The following ZC3H18 variants were observed in gnomAD, a reference collection of about 807,000 sequenced individuals.
The protein encoded by ZC3H18 is zinc finger CCCH-type containing 18.
Under a neutral mutation model 106.1 loss-of-function variants are expected in ZC3H18, and 8 were observed. That is an observed-to-expected ratio of 0.08 (90% CI 0.04 to 0.14). ZC3H18 has a LOEUF of 0.14. ZC3H18 is among the 10% of genes least tolerant of loss of function. The pLI is 1.00. For missense variants in ZC3H18, 1,318 were observed against 1,278.4 expected (o/e 1.03, Z -0.47); for synonymous variants, 635 against 522.1 (o/e 1.22, Z -2.95).
intron 3 of ZC3H18, among the ~76,000 whole-genome samples, chr16:88,591,815 G>T (rs1420729788): frequency 6.6e-6 from 1 of 152,220 alleles, no homozygotes; most frequent in Non-Finnish European, 1.5e-5. Flanking sequence ...ACTGCTGGCA[G>T]CGGAGTTTCT....
intron 1 of ZC3H18, chr16:88,571,681 A>C (rs1260930559): frequency 4.1e-6 from 4 of 985,200 alleles, no homozygotes; most frequent in East Asian, 1.1e-4. Context: ...AGGTAAGTTA[A>C]CCTATGGCCT....
At chr16:88,600,189 C>G (rs1288597266) in intron 6 of ZC3H18, among the ~76,000 whole-genome samples, 1 of 152,286 alleles carries the variant, frequency 6.6e-6, no homozygotes, top group African/African-American at 2.4e-5. Flanking sequence ...GCACTCACAC[C>G]GTTGTGGTTC....
At chr16:88,608,354 C>CTT (rs879451765) in intron 6 of ZC3H18, among the ~76,000 whole-genome samples, 1 of 146,222 alleles carries the variant, frequency 6.8e-6, no homozygotes, top group African/African-American at 2.5e-5. Flanking sequence ...ATTTTCTTTC[C>CTT]TTTTTTTTTT....
chr16:88,595,899 G>T (rs1455711892), intron 3 of ZC3H18, among the ~76,000 whole-genome samples: 3 of 152,180 alleles, frequency 2.0e-5, no homozygotes, highest in Admixed American at 2.0e-4. Flanking sequence ...ATTCCCGACA[G>T]TTGGGTGTGT....
At chr16:88,578,350 G>A (rs1335548062) in intron 2 of ZC3H18, among the ~76,000 whole-genome samples, 1 of 152,160 alleles carries the variant, frequency 6.6e-6, no homozygotes, top group Non-Finnish European at 1.5e-5. Flanking sequence ...TGAGGGGAAG[G>A]TAGTACTATC....
At chr16:88,593,465 G>A (rs777323735) in intron 3 of ZC3H18, among the ~76,000 whole-genome samples, 1 of 152,208 alleles carries the variant, frequency 6.6e-6, no homozygotes, top group African/African-American at 2.4e-5. Flanking sequence ...TTAAAACTTA[G>A]GAATTATTTT....
chr16:88,584,176 C>T (rs996705340), intron 2 of ZC3H18, among the ~76,000 whole-genome samples: 4 of 152,108 alleles, frequency 2.6e-5, no homozygotes, highest in African/African-American at 7.2e-5. Context: ...AATCCTAGCA[C>T]TTTGGGAGGC....
At chr16:88,602,618 G>T (rs1306192091) in intron 6 of ZC3H18, among the ~76,000 whole-genome samples, 1 of 152,232 alleles carries the variant, frequency 6.6e-6, no homozygotes, top group Non-Finnish European at 1.5e-5. Context: ...TTGATTGTAA[G>T]TAATTCCAGG....
intron 17 of ZC3H18, among the ~76,000 whole-genome samples, 178 bp downstream of exon 17, chr16:88,630,759 C>A (rs1567602511): frequency 9.3e-6 from 1 of 107,158 alleles, no homozygotes; most frequent in African/African-American, 3.1e-5. Flanking sequence ...ACCCCCCACC[C>A]CCCCCCACAC....
intron 8 of ZC3H18, among the ~76,000 whole-genome samples, chr16:88,617,538 A>G (rs8047318): frequency 0.55 from 84,167 of 152,162 alleles, 23,613 homozygotes; most frequent in African/African-American, 0.62. Flanking sequence ...AGTCATTGTC[A>G]TTAGAAATGT....
At chr16:88,620,589 A>G (rs1905895631) in intron 8 of ZC3H18, among the ~76,000 whole-genome samples, 1 of 151,530 alleles carries the variant, frequency 6.6e-6, no homozygotes, top group African/African-American at 2.4e-5. Flanking sequence ...AAAAAAGAAA[A>G]AAAAAAAAAA....
At position 88,606,870 on chromosome 16, in the gene ZC3H18, C is replaced by T. The variant is rs900425010; in HGVS notation, c.1089-2064C>T. ...GAGTTGAGGAGGCCTCGAGGGTGTT[C>T]GTAGCCACCCATCGCTGGAGCCACC... is the stretch of plus-strand genomic sequence containing the variant. On this transcript the variant is annotated intron_variant, in intron 6 of 17. Coordinates refer to ENST00000301011, the MANE Select transcript of ZC3H18 (RefSeq NM_144604.4). Among the ~76,000 whole-genome samples the T allele has an allele frequency of 2.6e-5, 4 of 152,184 alleles. 1 individual carries two copies. The highest frequency in any genetic ancestry group is 6.5e-5 in the Admixed American group (1 of 15,276).
rs564511735 is a variant in ZC3H18 at position 88,627,484 on chromosome 16, G to T, written c.2109-138G>T. On this transcript the variant is annotated intron_variant, in intron 13 of 17. Coordinates refer to ENST00000301011, the MANE Select transcript of ZC3H18 (RefSeq NM_144604.4). This position sits in a 1 kb window ranked among gnomAD's most constrained non-coding sequence, Gnocchi z 4.5. ...TACTTTGTAACCCTGAAACTGCCCA[G>T]TGTCCCCCCAAAATCACACATTCCG... 6 of 1,226,750 alleles carry T rather than the reference G, an allele frequency of 4.9e-6. No homozygotes were observed. In the South Asian group the frequency reaches 6.4e-5, roughly 13 times the overall value. The allele number at this position is 1,226,750 out of a possible 1,614,324, so 76.0% of individuals were successfully genotyped here. A position where few individuals can be genotyped will look rare whatever the true frequency, so the allele number is the denominator to read the frequency against.
chr16:88,585,583 G>A (rs991722038), intron 2 of ZC3H18, among the ~76,000 whole-genome samples: 1 of 152,230 alleles, frequency 6.6e-6, no homozygotes, highest in African/African-American at 2.4e-5. Context: ...CCACCCCAAG[G>A]AAGGGGACTC....
At chr16:88,605,029 G>A (rs1476918894) in intron 6 of ZC3H18, among the ~76,000 whole-genome samples, 2 of 152,238 alleles carry the variant, frequency 1.3e-5, no homozygotes, top group African/African-American at 4.8e-5. Context: ...GGGATACAGA[G>A]GAAACAGAAC....
At chr16:88,584,711 A>G (rs1460574111) in intron 2 of ZC3H18, among the ~76,000 whole-genome samples, 1 of 152,182 alleles carries the variant, frequency 6.6e-6, no homozygotes, top group African/African-American at 2.4e-5. Flanking sequence ...TGGTCTGTTT[A>G]CCGATCACCT....
intron 3 of ZC3H18, 146 bp downstream of exon 3, chr16:88,586,830 G>T (rs1371537926): frequency 4.7e-6 from 3 of 638,492 alleles, no homozygotes; most frequent in African/African-American, 1.8e-5. Context: ...GGTGGTGGTG[G>T]TGGTGGTGGC....
At position 88,605,629 on chromosome 16, in the gene ZC3H18, G is replaced by A. The variant is rs536304426; in HGVS notation, c.1089-3305G>A. 2.6e-5 allele frequency among the ~76,000 whole-genome samples: 4 copies of A among 152,372 alleles called. No individual in the cohort carries two copies. The South Asian group carries it at 6.2e-4, about 24-fold the overall frequency. Reference sequence around the variant, plus strand: ...GTGCAAATGCAAGTTGCATTTCATTGTGTAATATTGCATAACCCTTAGATT... The same window carrying A: ...GTGCAAATGCAAGTTGCATTTCATTATGTAATATTGCATAACCCTTAGATT... On this transcript the variant is annotated intron_variant, in intron 6 of 17. Transcript: ENST00000301011.
chr16:88,580,679 C>T (rs2142551662), intron 2 of ZC3H18, among the ~76,000 whole-genome samples: 1 of 152,292 alleles, frequency 6.6e-6, no homozygotes, highest in Non-Finnish European at 1.5e-5. Flanking sequence ...CGCCCTGCTC[C>T]CTGTCTCTAG....
Sources: allele counts gnomAD v4.1 joint callset (sites outside exome capture counted in the v4.1 genomes callset), GRCh38; gene constraint gnomAD v4.1.1; non-coding constraint Gnocchi (gnomAD v3.1); transcripts MANE v1.5; gene names NCBI Gene and HGNC (gene_info 2026-07-23, HGNC 2026-07-21).